SPINK5: variants seen among roughly 807,000 people sequenced by gnomAD.
SPINK5 encodes serine peptidase inhibitor Kazal type 5.
Under a neutral mutation model 151.8 loss-of-function variants are expected in SPINK5, and 125 were observed. The observed-to-expected ratio is 0.82, with a 90% CI of 0.71 to 0.96. The LOEUF is 0.96. Among genes scored for constraint, SPINK5 ranks in the 40% least tolerant of loss-of-function variants. The pLI is 0.00. For missense variants in SPINK5, 1,194 were observed against 1,291.9 expected (o/e 0.92, Z 1.16); for synonymous variants, 374 against 395.3 (o/e 0.95, Z 0.64).
intron 3 of SPINK5, among the ~76,000 whole-genome samples, 159 bp downstream of exon 3, chr5:148,070,609 T>A (rs1374570837): frequency 7.9e-5 from 12 of 152,102 alleles, no homozygotes; most frequent in Admixed American, 7.9e-4. Flanking sequence ...TCAGATAAAG[T>A]TGGATAATTA....
At chr5:148,094,147 T>G (rs1040933299) in intron 8 of SPINK5, among the ~76,000 whole-genome samples, 2 of 151,738 alleles carry the variant, frequency 1.3e-5, no homozygotes, top group African/African-American at 4.8e-5. Context: ...AGGAAAAAAT[T>G]TAGCCGGGTG....
intron 26 of SPINK5, among the ~76,000 whole-genome samples, chr5:148,123,210 G>A (rs1754319657): frequency 2.0e-5 from 3 of 151,228 alleles, no homozygotes; most frequent in Middle Eastern, 3.4e-3. Context: ...ATATTAGCCA[G>A]GCATGGTGGC....
Position 148,101,370 on chromosome 5 carries a change from A to G in SPINK5, c.1236A>G (p.Glu412=), listed in dbSNP as rs201793047. 3 of 1,610,674 alleles carry G rather than the reference A, an allele frequency of 1.9e-6. No homozygotes were observed. The East Asian group carries it at 6.7e-5, about 36-fold the overall frequency. ...MCEVFFQAEE[E]EKKKKEGKSR... The stretch of plus-strand genomic sequence containing the variant: ...CCTTTTTTAGCCAAGCAGAAGAAGA[A>G]GAAAAGAAAAAGAAGGAAGGTAAAT... The change falls in exon 14 of 33, where the codon GAA becomes GAG. Residue 412 remains glutamate, a synonymous_variant. Transcript: ENST00000256084.
At chr5:148,095,678 C>T in intron 9 of SPINK5, 140 bp from the exon 10 acceptor site, 1 of 697,526 alleles carries the variant, frequency 1.4e-6, no homozygotes, top group South Asian at 1.6e-5. Flanking sequence ...ATTAAAGGGT[C>T]TTTTTGGGGA....
At chr5:148,080,265 C>T (rs1333920223) in intron 4 of SPINK5, among the ~76,000 whole-genome samples, 2 of 151,078 alleles carry the variant, frequency 1.3e-5, no homozygotes, top group Non-Finnish European at 3.0e-5. Context: ...ATAAATAGTC[C>T]ATGTTCATAG....
In SPINK5 at chr5:148,120,381, A is replaced by G; in HGVS notation, c.2528A>G (p.Asn843Ser). The change falls in exon 26 of 33, where the codon AAT becomes AGT. Residue 843 changes from asparagine to serine, a missense_variant. Coordinates refer to ENST00000256084, the MANE Select transcript of SPINK5 (RefSeq NM_006846.4). ...AGGAGCAATACAGGAGAAAGGAGCA[A>G]TGACAAAGAGGTAATAGATGTTAGA... ...GERSNTGERS[N>S]DKEDLCREFR... 6.3e-7 allele frequency: 1 copy of G among 1,599,514 alleles called. No individual in the cohort carries two copies. The highest frequency in any genetic ancestry group is 8.5e-7 in the Non-Finnish European group (1 of 1,171,966).
At chr5:148,115,950 T>C (rs1453098610) in intron 21 of SPINK5, among the ~76,000 whole-genome samples, 2 of 151,942 alleles carry the variant, frequency 1.3e-5, no homozygotes, top group African/African-American at 2.4e-5. Flanking sequence ...GCCTCCCTAG[T>C]AGCTGGGGTT....
chr5:148,136,365 ATGAAG>A (rs1441976586), intron 32 of SPINK5, among the ~76,000 whole-genome samples: 1 of 152,158 alleles, frequency 6.6e-6, no homozygotes, highest in Non-Finnish European at 1.5e-5. Context: ...GATATAGGCA[ATGAAG>A]TGGAGATTTG....
intron 27 of SPINK5, 29 bp downstream of exon 27, chr5:148,123,989 G>C: frequency 6.2e-7 from 1 of 1,612,784 alleles, no homozygotes; most frequent in South Asian, 1.1e-5. Flanking sequence ...CAATAAATTT[G>C]ATAGTTGTGC....
intron 12 of SPINK5, 25 bp from the exon 13 acceptor site, chr5:148,100,429 C>T: frequency 6.2e-7 from 1 of 1,605,612 alleles, no homozygotes; most frequent in South Asian, 1.1e-5. Context: ...AATATATGGC[C>T]AACTTACTTC....
rs892527366 is a variant in SPINK5 at position 148,125,884 on chromosome 5, G to A, written c.2867+34G>A. The stretch of plus-strand genomic sequence containing the variant: ...GAGGATTCTGCTCCCCCTGTAGCTA[G>A]CAGGGGAACTGCATTTTTAGAAACT... On this transcript the variant is annotated intron_variant, in intron 29 of 32. Coordinates refer to ENST00000256084, the MANE Select transcript of SPINK5 (RefSeq NM_006846.4). 1.9e-6 allele frequency: 3 copies of A among 1,613,622 alleles called. No homozygotes were observed. The African/African-American group carries it at 4.0e-5, about 22-fold the overall frequency.
At chr5:148,065,277 A>G in intron 1 of SPINK5, 70 bp from the exon 2 acceptor site, 1 of 1,534,346 alleles carries the variant, frequency 6.5e-7, no homozygotes, top group Non-Finnish European at 8.9e-7. Context: ...GCTGCATTAA[A>G]TGGATTATTT....
intron 8 of SPINK5, among the ~76,000 whole-genome samples, chr5:148,092,379 C>A (rs1753334807): frequency 6.6e-6 from 1 of 151,926 alleles, no homozygotes; most frequent in African/African-American, 2.4e-5. Context: ...AAAAGGAATT[C>A]TTTTGTGGTG....
chr5:148,075,989 G>C (rs1462041753), intron 4 of SPINK5, among the ~76,000 whole-genome samples: 1 of 151,768 alleles, frequency 6.6e-6, no homozygotes, highest in Non-Finnish European at 1.5e-5. Flanking sequence ...GTGTATTCCT[G>C]GCTGAGCCTT....
intron 2 of SPINK5, among the ~76,000 whole-genome samples, chr5:148,069,682 A>G (rs1752686482): frequency 6.6e-6 from 1 of 152,070 alleles, no homozygotes; most frequent in South Asian, 2.1e-4. Flanking sequence ...GGCCTCTCCC[A>G]GAACCTCGGA....
chr5:148,123,166 C>G (rs531936217), intron 26 of SPINK5, among the ~76,000 whole-genome samples: 4 of 151,354 alleles, frequency 2.6e-5, no homozygotes, highest in African/African-American at 9.7e-5. Flanking sequence ...CCAGGCAACA[C>G]AGAGAGACTC....
In SPINK5 at chr5:148,100,437, T is replaced by C; in HGVS notation, c.1093-17T>C. The C allele has an allele frequency of 6.2e-7, 1 of 1,608,686 alleles. No homozygotes were observed. The highest frequency in any genetic ancestry group is 8.5e-7 in the Non-Finnish European group (1 of 1,175,552). ...GAAATGAAATATATGGCCAACTTAC[T>C]TCTTCTATCTCGGCAGGAGCTTTGC... On this transcript the variant is annotated splice_polypyrimidine_tract_variant and intron_variant, in intron 12 of 32. Transcript: ENST00000256084.
In SPINK5 at chr5:148,092,975, G is replaced by A. The variant is rs145700925; in HGVS notation, c.667-1379G>A. Among the ~76,000 whole-genome samples, 251 of 152,034 alleles carry A rather than the reference G, an allele frequency of 1.7e-3. 2 individuals are homozygous for A. The highest frequency in any genetic ancestry group is 5.9e-3 in the African/African-American group (243 of 41,510). ...ACCTCATTGTAGAAGTAGTAACTGT[G>A]GTTCCAAAGGAGAAGGGACTTTGCT... On this transcript the variant is annotated intron_variant, in intron 8 of 32. Transcript: ENST00000256084.
At chr5:148,101,684 A>C in intron 14 of SPINK5, 97 bp from the exon 15 acceptor site, 1 of 1,571,024 alleles carries the variant, frequency 6.4e-7, no homozygotes, top group Middle Eastern at 1.7e-4. Context: ...GCCAATTGCT[A>C]ATCCTCGTTT....
Sources: gnomAD v4.1 joint callset for allele counts (sites outside exome capture counted in the v4.1 genomes callset) on GRCh38, gnomAD v4.1.1 for gene constraint, MANE v1.5 for transcripts, NCBI Gene and HGNC (gene_info 2026-07-23, HGNC 2026-07-21) for gene names.